GPC6: variants seen among roughly 807,000 people sequenced by gnomAD.
GPC6 encodes the protein glypican 6.
A neutral mutation model predicts 55.2 loss-of-function variants in GPC6; 14 were observed. The ratio of observed to expected loss-of-function variants is 0.25; its 90% CI spans 0.17 to 0.40. The LOEUF is 0.40. GPC6 is among the 10% of genes least tolerant of loss of function. The probability of loss-of-function intolerance (pLI) is 1.00; values close to 1 mark genes in which losing one functional copy is unlikely to be tolerated. For missense variants in GPC6, 641 were observed against 708.5 expected (o/e 0.90, Z 1.08); for synonymous variants, 278 against 259.6 (o/e 1.07, Z -0.68).
Position 93,640,831 on chromosome 13 carries a change from T to C in GPC6, c.319+95410T>C, listed in dbSNP as rs28630937. Among the ~76,000 whole-genome samples the C allele has an allele frequency of 1.7e-3, 63 of 36,762 alleles. 1 individual carries two copies. The highest frequency in any genetic ancestry group is 2.8e-3 in the African/African-American group (53 of 19,116). The allele number at this position is 36,762 out of a possible 152,430, so 24.1% of individuals were successfully genotyped here. A position where few individuals can be genotyped will look rare whatever the true frequency, so the allele number is the denominator to read the frequency against. ...TCCTTCCTTCTTTCCTTCCTTCCTT[T>C]GTTCCTTCCTTCCTTCCTTCCTACC... On this transcript the variant is annotated intron_variant, in intron 2 of 8. Transcript: ENST00000377047.
intron 1 of GPC6, among the ~76,000 whole-genome samples, chr13:93,250,585 C>T (rs931665104): frequency 6.6e-5 from 10 of 152,118 alleles, no homozygotes; most frequent in South Asian, 2.1e-4. Context: ...TTTGCAACTC[C>T]GCTGCTTTCT....
chr13:94,374,271 A>G (rs1429571647), intron 6 of GPC6, among the ~76,000 whole-genome samples: 1 of 151,756 alleles, frequency 6.6e-6, no homozygotes, highest in Non-Finnish European at 1.5e-5. Flanking sequence ...CAGACTGGCA[A>G]ATTGGATGAA....
In GPC6 at chr13:93,358,155, C is replaced by T. The variant is rs574141123; in HGVS notation, c.160+130539C>T. Among the ~76,000 whole-genome samples, 4 of 152,158 alleles carry T rather than the reference C, an allele frequency of 2.6e-5. No individual in the cohort carries two copies. In the East Asian group the frequency reaches 7.8e-4, roughly 30 times the overall value. On this transcript the variant is annotated intron_variant, in intron 1 of 8. Coordinates refer to ENST00000377047, the MANE Select transcript of GPC6 (RefSeq NM_005708.5). ...TCCATTCAGGAGTTAGAGACCAGCA[C>T]AGGCAACATAGCAAGACGCTGTCTC... is the stretch of plus-strand genomic sequence containing the variant.
chr13:94,188,987 A>C (rs1348746805), intron 4 of GPC6, among the ~76,000 whole-genome samples: 1 of 152,090 alleles, frequency 6.6e-6, no homozygotes, highest in African/African-American at 2.4e-5. Context: ...ACTGAATAAT[A>C]AGCGTCCCCA....
At chr13:93,418,503 T>C (rs114441323) in intron 1 of GPC6, among the ~76,000 whole-genome samples, 2,970 of 151,436 alleles carry the variant, frequency 0.02, 116 homozygotes, top group African/African-American at 0.068. Flanking sequence ...GTTATTTTAT[T>C]AATAGCACTA....
intron 1 of GPC6, among the ~76,000 whole-genome samples, chr13:93,324,587 C>CATACATATATATATAT (rs372726538): frequency 3.3e-5 from 4 of 122,888 alleles, no homozygotes; most frequent in Non-Finnish European, 6.8e-5. Context: ...CACATACATA[C>CATACATATATATATAT]ATATATATAT....
chr13:93,600,645 C>A (rs1046079225), intron 2 of GPC6, among the ~76,000 whole-genome samples: 3 of 152,076 alleles, frequency 2.0e-5, no homozygotes, highest in South Asian at 2.1e-4. Context: ...GTTTATGTAA[C>A]CTTCCTTTTT....
At chr13:93,842,194 C>T (rs1386247975) in intron 3 of GPC6, among the ~76,000 whole-genome samples, 2 of 152,142 alleles carry the variant, frequency 1.3e-5, no homozygotes, top group Non-Finnish European at 2.9e-5. Flanking sequence ...GAACCAAGCA[C>T]TTTGCAGAAG....
At chr13:93,340,907 C>T (rs1357853886) in intron 1 of GPC6, among the ~76,000 whole-genome samples, 1 of 151,868 alleles carries the variant, frequency 6.6e-6, no homozygotes, top group Non-Finnish European at 1.5e-5. Flanking sequence ...TATACTGTAC[C>T]CGATATATAC....
intron 2 of GPC6, among the ~76,000 whole-genome samples, chr13:93,577,523 T>G (rs914993655): frequency 6.6e-6 from 1 of 152,092 alleles, no homozygotes; most frequent in Non-Finnish European, 1.5e-5. Flanking sequence ...TGTTGGTATA[T>G]GTAAATGTTA....
chr13:93,379,678 A>G (rs940708833), intron 1 of GPC6, among the ~76,000 whole-genome samples: 1 of 152,168 alleles, frequency 6.6e-6, no homozygotes, highest in African/African-American at 2.4e-5. Flanking sequence ...TGTTGAATAC[A>G]ATGAAACCAT....
At chr13:94,322,027 A>T (rs887208412) in intron 6 of GPC6, among the ~76,000 whole-genome samples, 12 of 152,052 alleles carry the variant, frequency 7.9e-5, no homozygotes, top group Non-Finnish European at 1.6e-4. Flanking sequence ...ACCAACTGAT[A>T]TGGTTTTGCT....
At chr13:93,453,707 C>T (rs1382761462) in intron 1 of GPC6, among the ~76,000 whole-genome samples, 1 of 151,354 alleles carries the variant, frequency 6.6e-6, no homozygotes, top group Admixed American at 6.6e-5. Context: ...TAAGGCAGTG[C>T]GTCTGGAGTT....
At chr13:93,421,431 A>C (rs1455194933) in intron 1 of GPC6, among the ~76,000 whole-genome samples, 1 of 152,256 alleles carries the variant, frequency 6.6e-6, no homozygotes, top group Non-Finnish European at 1.5e-5. Context: ...AACATTCTTA[A>C]TGATAATTGT....
At chr13:93,231,362 T>TAC (rs1491278803) in intron 1 of GPC6, among the ~76,000 whole-genome samples, 2 of 8,158 alleles carry the variant, frequency 2.5e-4, no homozygotes, top group African/African-American at 9.3e-4. Flanking sequence ...TATATATACG[T>TAC]ATATATATAT....
chr13:93,899,697 C>CAAGA (rs1300767617), intron 3 of GPC6, among the ~76,000 whole-genome samples: 2 of 151,998 alleles, frequency 1.3e-5, no homozygotes, highest in Non-Finnish European at 2.9e-5. Flanking sequence ...GAGAGCTATA[C>CAAGA]CATAATAAAA....
At chr13:93,910,950 T>C (rs989980590) in intron 3 of GPC6, among the ~76,000 whole-genome samples, 14 of 152,182 alleles carry the variant, frequency 9.2e-5, no homozygotes, top group African/African-American at 3.4e-4. Flanking sequence ...CTGCAGCAAT[T>C]CAGCACTGTG....
intron 2 of GPC6, among the ~76,000 whole-genome samples, chr13:93,741,106 C>CCAT (rs1410412147): frequency 1.3e-5 from 2 of 149,958 alleles, no homozygotes; most frequent in Admixed American, 1.3e-4. Context: ...ATACCGATAC[C>CCAT]CATCCAGAAT....
intron 2 of GPC6, among the ~76,000 whole-genome samples, chr13:93,574,879 A>G (rs887832157): frequency 1.3e-5 from 2 of 152,222 alleles, no homozygotes; most frequent in Non-Finnish European, 2.9e-5. Context: ...AGGTTCATCC[A>G]TATCAGACTT....
Sources: allele counts gnomAD v4.1 joint callset (sites outside exome capture counted in the v4.1 genomes callset), GRCh38; gene constraint gnomAD v4.1.1; transcripts MANE v1.5; gene names NCBI Gene and HGNC (gene_info 2026-07-23, HGNC 2026-07-21).